CACNA2D3: variants seen among roughly 807,000 people sequenced by gnomAD.
CACNA2D3 encodes calcium voltage-gated channel auxiliary subunit alpha2delta 3.
Under a neutral mutation model 160.6 loss-of-function variants are expected in CACNA2D3, and 60 were observed. That is an observed-to-expected ratio of 0.37 (90% CI 0.30 to 0.46). CACNA2D3 has a LOEUF of 0.46. Among genes scored for constraint, CACNA2D3 ranks in the 20% least tolerant of loss-of-function variants. The pLI is 1.00. For synonymous variants in CACNA2D3, 558 were observed against 492.9 expected (o/e 1.13, Z -1.75); for missense variants, 1,205 against 1,365.0 (o/e 0.88, Z 1.85).
At chr3:54,710,929 G>T (rs1182581154) in intron 11 of CACNA2D3, among the ~76,000 whole-genome samples, 1 of 152,160 alleles carries the variant, frequency 6.6e-6, no homozygotes, top group Admixed American at 6.5e-5. Context: ...CAGCTGAGGA[G>T]GCAATTTAAT....
intron 2 of CACNA2D3, among the ~76,000 whole-genome samples, chr3:54,275,100 T>A (rs1451270455): frequency 6.6e-6 from 1 of 152,252 alleles, no homozygotes; most frequent in Non-Finnish European, 1.5e-5. Context: ...GCATGCCGTC[T>A]TGGGCAGAGC....
At chr3:54,620,371 G>A (rs1698958397) in intron 9 of CACNA2D3, among the ~76,000 whole-genome samples, 1 of 152,158 alleles carries the variant, frequency 6.6e-6, no homozygotes, top group Admixed American at 6.5e-5. Flanking sequence ...CTATTAAAGT[G>A]AAGTCCATTT....
At chr3:54,278,015 CT>C (rs1456533031) in intron 2 of CACNA2D3, among the ~76,000 whole-genome samples, 2 of 152,080 alleles carry the variant, frequency 1.3e-5, no homozygotes, top group Admixed American at 1.3e-4. Context: ...ACTAAAGAAG[CT>C]TTTGCACAGC....
chr3:54,355,363 A>C lies in CACNA2D3; in HGVS notation c.322-31352A>C, dbSNP rs138108116. 3.3e-3 allele frequency among the ~76,000 whole-genome samples: 507 copies of C among 152,252 alleles called. 8 individuals carry two copies. Among genetic ancestry groups the C allele is most frequent in the East Asian group, 2.9e-3 (15 of 5,180 alleles). On this transcript the variant is annotated intron_variant, in intron 3 of 37. Transcript: ENST00000474759. The stretch of plus-strand genomic sequence containing the variant: ...CGGGCACTCCGGCTGCTGTATAGAG[A>C]CTAGTCTGCAGGAGCTAGAGTGGAA...
At chr3:54,541,119 T>C (rs940821344) in intron 5 of CACNA2D3, among the ~76,000 whole-genome samples, 6 of 150,688 alleles carry the variant, frequency 4.0e-5, no homozygotes, top group Non-Finnish European at 5.9e-5. Flanking sequence ...CTACTAAAAA[T>C]ACAAAAAATT....
chr3:54,795,449 A>G (rs1702848945), intron 13 of CACNA2D3, among the ~76,000 whole-genome samples: 1 of 152,190 alleles, frequency 6.6e-6, no homozygotes, highest in South Asian at 2.1e-4. Context: ...TTTTGAACAG[A>G]TAATGAGCAT....
chr3:54,807,807 A>G (rs1429658505), intron 13 of CACNA2D3, among the ~76,000 whole-genome samples: 1 of 151,682 alleles, frequency 6.6e-6, no homozygotes, highest in Non-Finnish European at 1.5e-5. Flanking sequence ...AACCAACCCA[A>G]ATGTCCAACA....
chr3:54,736,075 ATATATAT>A (rs1559563679), intron 11 of CACNA2D3, among the ~76,000 whole-genome samples: 548 of 22,820 alleles, frequency 0.024, 46 homozygotes, highest in Non-Finnish European at 0.048. Context: ...ATATATATAC[ATATATAT>A]GTATGTGTAT....
At chr3:54,416,242 G>A (rs973212684) in intron 4 of CACNA2D3, among the ~76,000 whole-genome samples, 8 of 152,302 alleles carry the variant, frequency 5.3e-5, no homozygotes, top group Admixed American at 5.2e-4. Flanking sequence ...CAGGTCACTT[G>A]CAAAGCTCTG....
chr3:55,026,744 G>C (rs770002829), intron 35 of CACNA2D3, among the ~76,000 whole-genome samples: 46 of 152,294 alleles, frequency 3.0e-4, no homozygotes, highest in Middle Eastern at 3.4e-3. Context: ...GCTGATCAAG[G>C]CCTAGGGCTT....
intron 2 of CACNA2D3, among the ~76,000 whole-genome samples, chr3:54,183,892 G>GAAAAAAAAAAAAAAA (rs58956795): frequency 1.2e-5 from 1 of 80,754 alleles, no homozygotes; most frequent in Non-Finnish European, 2.1e-5. Flanking sequence ...TCTCAAAAAA[G>GAAAAAAAAAAAAAAA]AAAAAAAAAA....
In CACNA2D3 at chr3:54,269,988, A is replaced by G. The variant is rs145029042; in HGVS notation, c.205-50454A>G. ...AGATTTTGGCCCTGGGCAACAGAAA[A>G]ATAAAAGCATTCCTTGGCTTGTTGT... On this transcript the variant is annotated intron_variant, in intron 2 of 37. Coordinates refer to ENST00000474759, the MANE Select transcript of CACNA2D3 (RefSeq NM_018398.3). Among the ~76,000 whole-genome samples, 46 of 152,346 alleles carry G rather than the reference A, an allele frequency of 3.0e-4. No individual in the cohort carries two copies. In the East Asian group the frequency reaches 6.7e-3, roughly 22 times the overall value.
intron 2 of CACNA2D3, among the ~76,000 whole-genome samples, chr3:54,178,670 C>G (rs755134629): frequency 6.6e-6 from 1 of 152,236 alleles, no homozygotes; most frequent in African/African-American, 2.4e-5. Flanking sequence ...TTTAACAGAA[C>G]AGTTGGTCAG....
intron 3 of CACNA2D3, among the ~76,000 whole-genome samples, chr3:54,349,756 A>G (rs1698521132): frequency 6.6e-6 from 1 of 151,942 alleles, no homozygotes; most frequent in Non-Finnish European, 1.5e-5. Flanking sequence ...TTCTCAGGGG[A>G]TGTAGTGCGC....
intron 11 of CACNA2D3, among the ~76,000 whole-genome samples, chr3:54,739,597 A>G (rs1701603812): frequency 1.3e-5 from 2 of 152,050 alleles, no homozygotes; most frequent in African/African-American, 4.8e-5. Context: ...GAAAAGGAAT[A>G]GGATGATTTT....
At chr3:54,991,468 C>A (rs571623291) in intron 31 of CACNA2D3, among the ~76,000 whole-genome samples, 2 of 152,096 alleles carry the variant, frequency 1.3e-5, no homozygotes, top group African/African-American at 4.8e-5. Context: ...GGTGATCCCC[C>A]CAACTTGGCC....
intron 13 of CACNA2D3, among the ~76,000 whole-genome samples, chr3:54,813,343 T>A (rs976235235): frequency 2.6e-5 from 4 of 152,168 alleles, no homozygotes; most frequent in Admixed American, 6.6e-5. Context: ...CCCGGTGTGT[T>A]GAGGAAGAGA....
chr3:54,716,423 G>A (rs1701050689), intron 11 of CACNA2D3, among the ~76,000 whole-genome samples: 2 of 152,168 alleles, frequency 1.3e-5, no homozygotes, highest in African/African-American at 4.8e-5. Flanking sequence ...GAGGGAAGAT[G>A]TGTTCACAAT....
At chr3:54,847,673 A>G (rs1326478486) in intron 17 of CACNA2D3, among the ~76,000 whole-genome samples, 1 of 152,246 alleles carries the variant, frequency 6.6e-6, no homozygotes, top group Admixed American at 6.5e-5. Flanking sequence ...TTTTTATCAG[A>G]AAAGGACTGA....
Sources: allele counts gnomAD v4.1 joint callset (sites outside exome capture counted in the v4.1 genomes callset), GRCh38; gene constraint gnomAD v4.1.1; transcripts MANE v1.5; gene names NCBI Gene and HGNC (gene_info 2026-07-23, HGNC 2026-07-21).